Variants in NCAM2 observed in about 807,000 individuals in gnomAD.
The protein encoded by NCAM2 is N-CAM-2.
In NCAM2, 30 loss-of-function variants were observed where a neutral mutation model predicts 98.1. The ratio of observed to expected loss-of-function variants is 0.31; its 90% CI spans 0.23 to 0.41. The LOEUF (loss-of-function observed/expected upper bound fraction) is 0.41, where lower values mean the gene tolerates loss of function less well. Among genes scored for constraint, NCAM2 ranks in the 10% least tolerant of loss-of-function variants. The probability of loss-of-function intolerance (pLI) is 1.00; values close to 1 mark genes in which losing one functional copy is unlikely to be tolerated. For missense variants in NCAM2, 867 were observed against 1,005.8 expected, an observed-to-expected ratio of 0.86 and a Z score of 1.87; for synonymous variants, 368 against 342.4, an observed-to-expected ratio of 1.07 and a Z score of -0.83.
At chr21:21,331,517 C>CTCTCTATATATATA (rs1483062198) in intron 6 of NCAM2, among the ~76,000 whole-genome samples, 2 of 6,938 alleles carry the variant, frequency 2.9e-4, no homozygotes, top group South Asian at 7.7e-3. Context: ...CTCTCTCTCT[C>CTCTCTATATATATA]TATATATATA....
intron 1 of NCAM2, among the ~76,000 whole-genome samples, chr21:21,028,112 C>T (rs2064592852): frequency 6.6e-6 from 1 of 152,156 alleles, no homozygotes; most frequent in Non-Finnish European, 1.5e-5. Context: ...ATCTGCCCGC[C>T]TCGGCCTCCC....
At chr21:21,530,211 T>G (rs1442048723) in intron 16 of NCAM2, among the ~76,000 whole-genome samples, 1 of 89,240 alleles carries the variant, frequency 1.1e-5, no homozygotes, top group Admixed American at 1.1e-4. Context: ...ATATATAATT[T>G]AATTTAATTT....
intron 1 of NCAM2, among the ~76,000 whole-genome samples, chr21:21,200,718 C>T (rs12627748): frequency 1 from 147,579 of 147,580 alleles, 73,789 homozygotes; most frequent in Non-Finnish European, 1. Flanking sequence ...CATGTTTGTC[C>T]TTAAAAATAG....
At position 21,332,822 on chromosome 21, in the gene NCAM2, C is replaced by A. The variant is rs573216051; in HGVS notation, c.738-2683C>A. ...AGTCAGCGATGGAGGTACTCATATG[C>A]CACTGTCATATGCAACCAGTTGGCT... is the stretch of plus-strand genomic sequence containing the variant. On this transcript the variant is annotated intron_variant, in intron 6 of 17. Coordinates refer to ENST00000400546, the MANE Select transcript of NCAM2 (RefSeq NM_004540.5). 1.2e-4 allele frequency among the ~76,000 whole-genome samples: 19 copies of A among 152,266 alleles called. No individual in the cohort carries two copies. The South Asian group carries it at 2.9e-3, about 23-fold the overall frequency.
intron 1 of NCAM2, among the ~76,000 whole-genome samples, chr21:21,036,380 T>C (rs1249053669): frequency 1.3e-5 from 2 of 152,106 alleles, no homozygotes; most frequent in Non-Finnish European, 2.9e-5. Flanking sequence ...TTCCTGCAGT[T>C]TGCCCAAAAA....
At chr21:21,060,980 T>C (rs190285117) in intron 1 of NCAM2, among the ~76,000 whole-genome samples, 53 of 152,126 alleles carry the variant, frequency 3.5e-4, no homozygotes, top group Middle Eastern at 3.4e-3. Flanking sequence ...AAATGAAGAT[T>C]GTATGTGAGG....
intron 9 of NCAM2, among the ~76,000 whole-genome samples, chr21:21,397,986 C>T (rs1431028901): frequency 6.6e-6 from 1 of 152,192 alleles, no homozygotes; most frequent in Non-Finnish European, 1.5e-5. Flanking sequence ...TATAGCAGCA[C>T]AATTAGCAAA....
At chr21:21,083,218 T>C (rs1023091368) in intron 1 of NCAM2, among the ~76,000 whole-genome samples, 2 of 152,142 alleles carry the variant, frequency 1.3e-5, no homozygotes, top group African/African-American at 4.8e-5. Context: ...GTGCCTGATA[T>C]TTGGATAGAT....
chr21:21,004,290 C>A (rs972720394), intron 1 of NCAM2, among the ~76,000 whole-genome samples: 3 of 152,158 alleles, frequency 2.0e-5, no homozygotes, highest in Non-Finnish European at 4.4e-5. Context: ...TCTAACAGTA[C>A]CGACCACTTG....
chr21:21,496,760 T>G (rs1987268513), intron 15 of NCAM2, among the ~76,000 whole-genome samples: 1 of 152,100 alleles, frequency 6.6e-6, no homozygotes, highest in Non-Finnish European at 1.5e-5. Flanking sequence ...TATATTTAAG[T>G]TTTTAATCCA....
At chr21:21,206,336 C>A (rs1054008839) in intron 1 of NCAM2, among the ~76,000 whole-genome samples, 2 of 152,096 alleles carry the variant, frequency 1.3e-5, no homozygotes, top group Non-Finnish European at 2.9e-5. Context: ...TCTGTTATCA[C>A]TTAACTGTTC....
intron 1 of NCAM2, among the ~76,000 whole-genome samples, chr21:21,028,983 T>C (rs1341909863): frequency 6.6e-6 from 1 of 152,164 alleles, no homozygotes; most frequent in African/African-American, 2.4e-5. Flanking sequence ...TGGAAAACTG[T>C]TATAATTTTT....
At chr21:21,215,866 G>GC (rs1217845404) in intron 1 of NCAM2, among the ~76,000 whole-genome samples, 1 of 152,128 alleles carries the variant, frequency 6.6e-6, no homozygotes, top group African/African-American at 2.4e-5. Context: ...ATATTGTTTA[G>GC]CTCCTTTTCC....
At chr21:21,304,007 T>C (rs1229363503) in intron 5 of NCAM2, among the ~76,000 whole-genome samples, 2 of 152,196 alleles carry the variant, frequency 1.3e-5, no homozygotes, top group Non-Finnish European at 2.9e-5. Flanking sequence ...GTATTTGGAA[T>C]GTAATCCACT....
intron 1 of NCAM2, among the ~76,000 whole-genome samples, chr21:21,040,773 T>C (rs1310496862): frequency 3.3e-5 from 5 of 152,056 alleles, no homozygotes; most frequent in African/African-American, 1.2e-4. Context: ...CTGGGAAATG[T>C]AGGTGGGTGG....
chr21:21,357,487 G>A (rs2075521804), intron 8 of NCAM2, among the ~76,000 whole-genome samples: 1 of 151,902 alleles, frequency 6.6e-6, no homozygotes, highest in African/African-American at 2.4e-5. Flanking sequence ...CATAATTATT[G>A]ATTTAAAATA....
chr21:21,293,112 A>T (rs894912182), intron 5 of NCAM2, among the ~76,000 whole-genome samples: 2 of 151,902 alleles, frequency 1.3e-5, no homozygotes, highest in Admixed American at 1.3e-4. Flanking sequence ...GATACCTGGG[A>T]ATTATTAATA....
intron 1 of NCAM2, among the ~76,000 whole-genome samples, chr21:21,172,782 A>G (rs1025225127): frequency 2.0e-5 from 3 of 152,180 alleles, no homozygotes; most frequent in African/African-American, 7.2e-5. Flanking sequence ...TGCATCAAAC[A>G]TGCTATTGGC....
intron 1 of NCAM2, among the ~76,000 whole-genome samples, chr21:21,219,607 T>A (rs2070053579): frequency 6.6e-6 from 1 of 152,248 alleles, no homozygotes; most frequent in African/African-American, 2.4e-5. Context: ...TTATGAATAC[T>A]GCATAGTACT....
Sources: gnomAD v4.1 joint callset for allele counts (sites outside exome capture counted in the v4.1 genomes callset) on GRCh38, gnomAD v4.1.1 for gene constraint, MANE v1.5 for transcripts, NCBI Gene and HGNC (gene_info 2026-07-23, HGNC 2026-07-21) for gene names.